Variants in ANGPTL2 observed in about 807,000 individuals in gnomAD.
ANGPTL2 encodes the protein angiopoietin-related protein 2.
Under a neutral mutation model 52.8 loss-of-function variants are expected in ANGPTL2, and 25 were observed. The observed-to-expected ratio is 0.47, with a 90% CI of 0.35 to 0.66. The LOEUF is 0.66. Ranked by LOEUF, ANGPTL2 falls within the 30% of genes least tolerant of loss-of-function variation. The pLI is 0.01. For missense variants in ANGPTL2, 546 were observed against 656.9 expected, an observed-to-expected ratio of 0.83 and a Z score of 1.84; for synonymous variants, 276 against 277.4, an observed-to-expected ratio of 1.00 and a Z score of 0.05.
chr9:127,115,145 C>T (rs2055266559), intron 1 of ANGPTL2, among the ~76,000 whole-genome samples: 1 of 152,166 alleles, frequency 6.6e-6, no homozygotes, highest in Non-Finnish European at 1.5e-5. Flanking sequence ...ACCATACATC[C>T]TGGTTGGCCC....
At chr9:127,099,877 T>G (rs2053546862) in intron 2 of ANGPTL2, among the ~76,000 whole-genome samples, 1 of 152,236 alleles carries the variant, frequency 6.6e-6, no homozygotes, top group Non-Finnish European at 1.5e-5. Flanking sequence ...TCAGGCCGCT[T>G]TAGCCCTCAA....
intron 1 of ANGPTL2, among the ~76,000 whole-genome samples, chr9:127,109,599 C>T (rs2054596437): frequency 6.6e-6 from 1 of 152,246 alleles, no homozygotes; most frequent in Admixed American, 6.5e-5. Context: ...GAGCAGAACA[C>T]AGAATGTGTC....
rs553949279 is a variant in ANGPTL2, at chr9:127,111,597, C to T, written c.-49-2817G>A. Among the ~76,000 whole-genome samples the T allele has an allele frequency of 3.3e-5, 5 of 152,326 alleles. No individual in the cohort carries two copies. The East Asian group carries it at 9.6e-4, about 29-fold the overall frequency. Reference sequence around the variant, plus strand: ...AGGTCAGAGCTGCGCAGAGGAGGGCCTATGTGTGTATTTATTAATAACATC... The same window carrying T: ...AGGTCAGAGCTGCGCAGAGGAGGGCTTATGTGTGTATTTATTAATAACATC... On this transcript the variant is annotated intron_variant, in intron 1 of 4. Coordinates refer to ENST00000373425, the MANE Select transcript of ANGPTL2 (RefSeq NM_012098.3).
At chr9:127,113,979 G>A (rs1386184799) in intron 1 of ANGPTL2, among the ~76,000 whole-genome samples, 3 of 152,248 alleles carry the variant, frequency 2.0e-5, no homozygotes, top group Non-Finnish European at 2.9e-5. Context: ...AGAAGCTGCC[G>A]GCCTGGGATC....
intron 1 of ANGPTL2, among the ~76,000 whole-genome samples, chr9:127,112,723 A>G (rs934882413): frequency 6.6e-6 from 1 of 152,234 alleles, no homozygotes. Context: ...GGGAGATTGG[A>G]ATAATGTGTT....
Position 127,091,674 on chromosome 9 carries a change from G to A in ANGPTL2, c.1278C>T (p.Tyr426=). The A allele has an allele frequency of 6.2e-7, 1 of 1,613,524 alleles. No homozygotes were observed. Among genetic ancestry groups the A allele is most frequent in the Non-Finnish European group, 8.5e-7 (1 of 1,179,916 alleles). ...GTTTGACTCCACTTTTCCTACCTGT[G>A]TAGACATCATGATCTCTGTCCAGGG... ...FTTLDRDHDV[Y]TGNCAHYQKG... Residue 426 remains tyrosine, a synonymous_variant, in exon 4 of 5, where the codon TAC becomes TAT. Coordinates refer to ENST00000373425, the MANE Select transcript of ANGPTL2 (RefSeq NM_012098.3). The surrounding 1 kb of genome is among the most constrained non-coding windows in gnomAD (Gnocchi z 4.3).
At chr9:127,117,402 T>C (rs2055548701) in intron 1 of ANGPTL2, among the ~76,000 whole-genome samples, 1 of 152,184 alleles carries the variant, frequency 6.6e-6, no homozygotes, top group African/African-American at 2.4e-5. Context: ...AGAACTTCAT[T>C]TGTATAATGT....
In ANGPTL2 at chr9:127,108,075, A is replaced by C; in HGVS notation, c.657T>G (p.Ala219=). 1 of 1,452,786 alleles carries C rather than the reference A, an allele frequency of 6.9e-7. No homozygotes were observed. The highest frequency in any genetic ancestry group is 9.4e-7 in the Non-Finnish European group (1 of 1,066,774). The allele number at this position is 1,452,786 out of a possible 1,614,324, so 90.0% of individuals were successfully genotyped here. A position where few individuals can be genotyped will look rare whatever the true frequency, so the allele number is the denominator to read the frequency against. ...SARPVPQPPP[A]APPRVYQPPT... ...GTGGTTGGTAGACCCGGGGCGGGGC[A>C]GCGGGGGGTGGCTGGGGGACGGGCC... The change falls in exon 2 of 5, where the codon GCT becomes GCG. Residue 219 remains alanine, a synonymous_variant. Coordinates refer to ENST00000373425, the MANE Select transcript of ANGPTL2 (RefSeq NM_012098.3).
At chr9:127,103,854 G>A (rs2053970555) in intron 2 of ANGPTL2, among the ~76,000 whole-genome samples, 1 of 152,210 alleles carries the variant, frequency 6.6e-6, no homozygotes, top group African/African-American at 2.4e-5. Flanking sequence ...TTCACGGGGT[G>A]ATTTTTACAC....
At chr9:127,095,567 G>A (rs2053035424) in intron 2 of ANGPTL2, among the ~76,000 whole-genome samples, 1 of 152,246 alleles carries the variant, frequency 6.6e-6, no homozygotes, top group African/African-American at 2.4e-5. Context: ...GCTCAGGGCA[G>A]GGTGGGGCCG....
chr9:127,107,519 G>A (rs1400590667), intron 2 of ANGPTL2, among the ~76,000 whole-genome samples: 1 of 152,108 alleles, frequency 6.6e-6, no homozygotes, highest in Non-Finnish European at 1.5e-5. Flanking sequence ...TGTTTATTTG[G>A]TGAACATTTA....
chr9:127,103,066 C>T (rs2053888389), intron 2 of ANGPTL2, among the ~76,000 whole-genome samples: 1 of 152,224 alleles, frequency 6.6e-6, no homozygotes, highest in Admixed American at 6.5e-5. Flanking sequence ...GATGCCCAGC[C>T]TACTGAAGCT....
intron 2 of ANGPTL2, among the ~76,000 whole-genome samples, chr9:127,106,190 T>C (rs1286550343): frequency 6.6e-6 from 1 of 152,144 alleles, no homozygotes; most frequent in African/African-American, 2.4e-5. Context: ...GAGTAACCAT[T>C]GAGTCCAGCC....
intron 1 of ANGPTL2, among the ~76,000 whole-genome samples, chr9:127,114,885 C>T (rs962458888): frequency 2.0e-5 from 3 of 152,218 alleles, no homozygotes; most frequent in Non-Finnish European, 1.5e-5. Context: ...ATCATCAGGA[C>T]AGAAGACAGA....
intron 2 of ANGPTL2, among the ~76,000 whole-genome samples, chr9:127,096,466 C>T (rs2053154497): frequency 6.6e-6 from 1 of 152,152 alleles, no homozygotes; most frequent in African/African-American, 2.4e-5. Flanking sequence ...AGGACTGCTG[C>T]AGAATTGTCA....
chr9:127,119,020 C>A (rs1342614979), intron 1 of ANGPTL2, among the ~76,000 whole-genome samples: 2 of 152,146 alleles, frequency 1.3e-5, no homozygotes, highest in African/African-American at 4.8e-5. Flanking sequence ...TCAATAGTAT[C>A]TTAGTCACAT....
At chr9:127,118,993 C>T (rs1451559036) in intron 1 of ANGPTL2, among the ~76,000 whole-genome samples, 2 of 152,182 alleles carry the variant, frequency 1.3e-5, no homozygotes, top group Non-Finnish European at 1.5e-5. Flanking sequence ...CCTCCAAGTA[C>T]GGATGTAGAA....
intron 2 of ANGPTL2, among the ~76,000 whole-genome samples, chr9:127,094,461 A>C (rs1292812567): frequency 1.3e-5 from 2 of 151,756 alleles, no homozygotes; most frequent in Non-Finnish European, 1.5e-5. Context: ...TTCAATTCTG[A>C]CTCCACGTCT....
intron 1 of ANGPTL2, among the ~76,000 whole-genome samples, chr9:127,114,788 C>G (rs1449003339): frequency 6.6e-6 from 1 of 152,270 alleles, no homozygotes; most frequent in Non-Finnish European, 1.5e-5. Flanking sequence ...CAGCTGGCCC[C>G]TGACGTCGGG....
Sources: gnomAD v4.1 joint callset for allele counts (sites outside exome capture counted in the v4.1 genomes callset) on GRCh38, gnomAD v4.1.1 for gene constraint, Gnocchi (gnomAD v3.1) non-coding constraint, MANE v1.5 for transcripts, NCBI Gene and HGNC (gene_info 2026-07-23, HGNC 2026-07-21) for gene names.